The following MECOM variants were observed in gnomAD, a reference collection of about 807,000 sequenced individuals.
The protein encoded by MECOM is MDS1 and EVI1 complex locus, also known as histone-lysine N-methyltransferase MECOM.
MECOM carries 13 observed loss-of-function variants against 116.3 expected under a neutral mutation model. That is an observed-to-expected ratio of 0.11 (90% CI 0.07 to 0.18). MECOM has a LOEUF of 0.18. Among genes scored for constraint, MECOM ranks in the 10% least tolerant of loss-of-function variants. The pLI, the probability that MECOM is intolerant of heterozygous loss-of-function variation, is 1.00. For synonymous variants in MECOM, 528 were observed against 535.2 expected (o/e 0.99, Z 0.19); for missense variants, 1,299 against 1,509.0 (o/e 0.86, Z 2.31).
At chr3:169,548,342 G>A (rs1396992208) in intron 1 of MECOM, among the ~76,000 whole-genome samples, 1 of 152,196 alleles carries the variant, frequency 6.6e-6, no homozygotes, top group African/African-American at 2.4e-5. Flanking sequence ...CAGCCAGATG[G>A]TTTGGCAGTG....
chr3:169,357,805 G>T (rs565167829), intron 2 of MECOM, among the ~76,000 whole-genome samples: 1 of 151,822 alleles, frequency 6.6e-6, no homozygotes, highest in Admixed American at 6.6e-5. Context: ...ATGAAAACTA[G>T]AGAAAATAAA....
chr3:169,419,079 C>T (rs1739253797), intron 1 of MECOM, among the ~76,000 whole-genome samples: 1 of 152,150 alleles, frequency 6.6e-6, no homozygotes, highest in Non-Finnish European at 1.5e-5. Context: ...GCAAAAATCA[C>T]AAGCATTCCT....
Position 169,482,329 on chromosome 3 carries a change from T to TTTTTTTTTTTTTC in MECOM, c.38-100806_38-100805insGAAAAAAAAAAAA, listed in dbSNP as rs1479531601. 1.9e-3 allele frequency among the ~76,000 whole-genome samples: 38 copies of TTTTTTTTTTTTTC among 19,874 alleles called. 1 individual carries two copies. The highest frequency in any genetic ancestry group is 4.4e-3 in the African/African-American group (24 of 5,496). 13.0% of individuals were successfully genotyped at this position (19,874 alleles called of 152,430 possible). On this transcript the variant is annotated intron_variant, in intron 1 of 16. Coordinates refer to ENST00000651503, the MANE Select transcript of MECOM (RefSeq NM_004991.4). ...TTACAGGGGAGCTTAACCCACGTTC[T>TTTTTTTTTTTTTC]TTTTTTTTTTTTTTTTTTTTGAGAC...
intron 2 of MECOM, among the ~76,000 whole-genome samples, chr3:169,277,099 G>A (rs1759684463): frequency 6.6e-6 from 1 of 151,900 alleles, no homozygotes; most frequent in African/African-American, 2.4e-5. Context: ...CCCTCTTTTA[G>A]ATTATGAGGA....
At chr3:169,233,955 T>C (rs1038893457) in intron 2 of MECOM, among the ~76,000 whole-genome samples, 1 of 152,140 alleles carries the variant, frequency 6.6e-6, no homozygotes, top group African/African-American at 2.4e-5. Flanking sequence ...TAACCACTTA[T>C]TTTACTTGAA....
chr3:169,281,155 C>G (rs1174605160), intron 2 of MECOM, among the ~76,000 whole-genome samples: 1 of 152,178 alleles, frequency 6.6e-6, no homozygotes, highest in Admixed American at 6.5e-5. Context: ...TACTGGAAAC[C>G]TGTGAGAAAT....
At chr3:169,168,171 G>A (rs181028907) in intron 2 of MECOM, among the ~76,000 whole-genome samples, 1 of 152,110 alleles carries the variant, frequency 6.6e-6, no homozygotes, top group Admixed American at 6.6e-5. Context: ...AATGCCAATA[G>A]TTTTTTACCT....
At chr3:169,565,248 G>A (rs1763094008) in intron 1 of MECOM, among the ~76,000 whole-genome samples, 1 of 152,178 alleles carries the variant, frequency 6.6e-6, no homozygotes, top group Admixed American at 6.5e-5. Context: ...TTTGATAAAT[G>A]TTTGTTGAAT....
chr3:169,256,311 G>T (rs1560052072), intron 2 of MECOM, among the ~76,000 whole-genome samples: 2 of 151,276 alleles, frequency 1.3e-5, no homozygotes, highest in Admixed American at 1.3e-4. Flanking sequence ...GTGACGTAAA[G>T]GATATATTAC....
Position 169,115,394 on chromosome 3 carries a change from G to A in MECOM, c.2478C>T (p.Asp826=), listed in dbSNP as rs760392119. ...CCATACACGCTTACCTGTAAATAGGGTCCATAAAGAAAGGAGTGGGTCTTG... is the reference window on the plus strand; with the variant it reads ...CCATACACGCTTACCTGTAAATAGGATCCATAAAGAAAGGAGTGGGTCTTG... ...QHARPTPFFM[D]PIYRVEKRKL... The change falls in exon 8 of 17, where the codon GAC becomes GAT. Residue 826 remains aspartate (D), a synonymous_variant. Coordinates refer to ENST00000651503, the MANE Select transcript of MECOM (RefSeq NM_004991.4). 2.0e-5 allele frequency: 32 copies of A among 1,613,794 alleles called. No individual in the cohort carries two copies. The Middle Eastern group carries it at 3.3e-3, about 167-fold the overall frequency.
At chr3:169,284,247 T>C (rs896751921) in intron 2 of MECOM, among the ~76,000 whole-genome samples, 1 of 151,582 alleles carries the variant, frequency 6.6e-6, no homozygotes, top group African/African-American at 2.4e-5. Context: ...TGCTCCCAGA[T>C]ACTGCCATCT....
Position 169,373,744 on chromosome 3 carries a change from TCA to T in MECOM, c.375+7441_375+7442del, listed in dbSNP as rs1730540138. Among the ~76,000 whole-genome samples, 5 of 152,080 alleles carry T rather than the reference TCA, an allele frequency of 3.3e-5. No individual in the cohort carries two copies. The South Asian group carries it at 1.0e-3, about 31-fold the overall frequency. On this transcript the variant is annotated intron_variant, in intron 2 of 16. Coordinates refer to ENST00000651503, the MANE Select transcript of MECOM (RefSeq NM_004991.4). ...TTCAATTGGAGTAGTTTCCCTAGAA[TCA>T]CACAGTTAGTGACAGAAGCAAGACT...
intron 2 of MECOM, among the ~76,000 whole-genome samples, chr3:169,358,512 G>A (rs1235116773): frequency 6.7e-6 from 1 of 149,486 alleles, no homozygotes. Flanking sequence ...AGAACTGTAT[G>A]CCTTCTTTAG....
chr3:169,295,902 G>C (rs1428861621), intron 2 of MECOM, among the ~76,000 whole-genome samples: 2 of 152,182 alleles, frequency 1.3e-5, no homozygotes, highest in African/African-American at 4.8e-5. Context: ...AGAAAGTGAG[G>C]TTTTGTTTGA....
chr3:169,268,315 A>G (rs1402394095), intron 2 of MECOM, among the ~76,000 whole-genome samples: 4 of 152,176 alleles, frequency 2.6e-5, no homozygotes, highest in South Asian at 2.1e-4. Context: ...ACCACTTTAT[A>G]TACATTCACT....
intron 14 of MECOM, among the ~76,000 whole-genome samples, chr3:169,092,688 C>T (rs1270650072): frequency 6.6e-6 from 1 of 152,002 alleles, no homozygotes; most frequent in Non-Finnish European, 1.5e-5. Context: ...ACTTATGTGA[C>T]CTCTGACACA....
chr3:169,366,584 G>C (rs895845386), intron 2 of MECOM, among the ~76,000 whole-genome samples: 6 of 152,016 alleles, frequency 3.9e-5, no homozygotes, highest in African/African-American at 1.4e-4. Context: ...GGCCAGTAGT[G>C]TTGCGAGACC....
chr3:169,516,876 A>G (rs757802129), intron 1 of MECOM, among the ~76,000 whole-genome samples: 3 of 152,224 alleles, frequency 2.0e-5, no homozygotes, highest in Non-Finnish European at 4.4e-5. Flanking sequence ...CATTGAAATC[A>G]TAACCTAAAT....
chr3:169,518,258 CAA>C (rs11333455), intron 1 of MECOM, among the ~76,000 whole-genome samples: 1 of 142,890 alleles, frequency 7.0e-6, no homozygotes, highest in African/African-American at 2.5e-5. Context: ...GACTCCATCT[CAA>C]AAAAAAAAAG....
Sources: gnomAD v4.1 joint callset for allele counts (sites outside exome capture counted in the v4.1 genomes callset) on GRCh38, gnomAD v4.1.1 for gene constraint, MANE v1.5 for transcripts, NCBI Gene and HGNC (gene_info 2026-07-23, HGNC 2026-07-21) for gene names.